Variants in NEK10 observed in about 807,000 individuals in gnomAD.
The protein encoded by NEK10 is serine/threonine-protein kinase Nek10.
Under a neutral mutation model 159.8 loss-of-function variants are expected in NEK10, and 122 were observed. The observed-to-expected ratio is 0.76, with a 90% CI of 0.66 to 0.89. NEK10 has a LOEUF of 0.89. Among genes scored for constraint, NEK10 ranks in the 40% least tolerant of loss-of-function variants. NEK10 has a pLI of 0.00. For missense variants in NEK10, 1,342 were observed against 1,323.1 expected (o/e 1.01, Z -0.22); for synonymous variants, 466 against 457.1 (o/e 1.02, Z -0.25).
intron 23 of NEK10, among the ~76,000 whole-genome samples, chr3:27,247,548 T>G (rs1462643676): frequency 6.6e-6 from 1 of 151,580 alleles, no homozygotes. Context: ...TTATTTTATT[T>G]TATTTTTTTG....
At chr3:27,229,644 T>C (rs2149201153) in intron 23 of NEK10, among the ~76,000 whole-genome samples, 1 of 152,002 alleles carries the variant, frequency 6.6e-6, no homozygotes, top group Middle Eastern at 3.4e-3. Context: ...GAATAAAAAA[T>C]TTTCCGGAGA....
chr3:27,293,709 T>C, intron 15 of NEK10, 57 bp from the exon 16 acceptor site: 1 of 952,776 alleles, frequency 1.0e-6, no homozygotes, highest in Non-Finnish European at 1.6e-6. Context: ...TTAAAACATT[T>C]TCAGGAAAGA....
intron 23 of NEK10, among the ~76,000 whole-genome samples, chr3:27,249,933 G>T (rs1265492937): frequency 6.6e-6 from 1 of 152,048 alleles, no homozygotes; most frequent in South Asian, 2.1e-4. Context: ...CAAATACTAT[G>T]TTGTAACCCA....
chr3:27,265,218 A>G (rs930849302), intron 22 of NEK10, among the ~76,000 whole-genome samples: 1 of 152,196 alleles, frequency 6.6e-6, no homozygotes, highest in Non-Finnish European at 1.5e-5. Flanking sequence ...TCAACATTCT[A>G]TTGAAGATTC....
intron 32 of NEK10, among the ~76,000 whole-genome samples, chr3:27,123,520 A>G (rs1052685682): frequency 6.6e-6 from 1 of 152,344 alleles, no homozygotes; most frequent in Non-Finnish European, 1.5e-5. Context: ...TCATTAATTT[A>G]GTATTTTTAA....
Position 27,174,850 on chromosome 3 carries a change from A to G in NEK10, c.2506-17T>C, listed in dbSNP as rs375414857. 52 of 1,550,676 alleles carry G rather than the reference A, an allele frequency of 3.4e-5. No individual in the cohort carries two copies. The African/African-American group carries it at 5.7e-4, about 17-fold the overall frequency. On this transcript the variant is annotated splice_polypyrimidine_tract_variant and intron_variant, in intron 26 of 35. Coordinates refer to ENST00000691995, the MANE Select transcript of NEK10 (RefSeq NM_001394966.1). ...AAAGGTCTCCTGGAAAGAGAAATTC[A>G]GTTTTTCATAGCCTCTTTCTCTATC...
chr3:27,312,805 AGGTACACCTCT>A (rs1474075330), intron 7 of NEK10, among the ~76,000 whole-genome samples: 1 of 152,196 alleles, frequency 6.6e-6, no homozygotes, highest in Non-Finnish European at 1.5e-5. Flanking sequence ...TTATTAAATG[AGGTACACCTCT>A]AGTCAATTTA....
intron 18 of NEK10, 149 bp downstream of exon 18, chr3:27,291,113 C>A (rs1014728595): frequency 1.2e-6 from 1 of 832,214 alleles, no homozygotes. Context: ...GTGTGGCTAT[C>A]TCTGTTGGAC....
At chr3:27,261,816 A>AG (rs2040435797) in intron 22 of NEK10, among the ~76,000 whole-genome samples, 1 of 152,158 alleles carries the variant, frequency 6.6e-6, no homozygotes, top group Non-Finnish European at 1.5e-5. Context: ...TAATGTTGAC[A>AG]GTGGGGTGTT....
intron 22 of NEK10, among the ~76,000 whole-genome samples, chr3:27,278,114 C>T (rs949060187): frequency 3.9e-5 from 6 of 152,206 alleles, no homozygotes; most frequent in Non-Finnish European, 7.3e-5. Flanking sequence ...CCAGTCTTAA[C>T]TCACAGGACA....
At chr3:27,206,211 T>C (rs1223403877) in intron 23 of NEK10, among the ~76,000 whole-genome samples, 1 of 152,130 alleles carries the variant, frequency 6.6e-6, no homozygotes, top group Non-Finnish European at 1.5e-5. Flanking sequence ...AACACTGCTA[T>C]GTTTTTCACT....
intron 1 of NEK10, among the ~76,000 whole-genome samples, chr3:27,357,280 G>A (rs2048383481): frequency 6.6e-6 from 1 of 152,110 alleles, no homozygotes; most frequent in South Asian, 2.1e-4. Flanking sequence ...TGAATGCAAT[G>A]CCTAATAAAT....
chr3:27,241,198 G>GA (rs527380749), intron 23 of NEK10, among the ~76,000 whole-genome samples: 228 of 152,184 alleles, frequency 1.5e-3, no homozygotes, highest in African/African-American at 5.3e-3. Flanking sequence ...AGCATGGGGG[G>GA]AAAAATAAGA....
intron 1 of NEK10, among the ~76,000 whole-genome samples, chr3:27,353,402 T>C (rs1396938227): frequency 2.0e-5 from 3 of 152,180 alleles, no homozygotes; most frequent in Non-Finnish European, 4.4e-5. Context: ...TATTGTCTTA[T>C]AATAGCATGC....
At chr3:27,333,294 C>T (rs2046556145) in intron 5 of NEK10, among the ~76,000 whole-genome samples, 1 of 152,026 alleles carries the variant, frequency 6.6e-6, no homozygotes, top group South Asian at 2.1e-4. Context: ...ACCTGTAATC[C>T]TAGCACTTTG....
chr3:27,271,853 G>GA (rs5847454), intron 22 of NEK10, among the ~76,000 whole-genome samples: 36,541 of 150,432 alleles, frequency 0.24, 4,810 homozygotes, highest in Middle Eastern at 0.39. Context: ...AGCACATTAT[G>GA]AAAAAAAAAT....
intron 30 of NEK10, among the ~76,000 whole-genome samples, chr3:27,141,918 G>C (rs540662163): frequency 7.9e-5 from 12 of 152,264 alleles, no homozygotes; most frequent in African/African-American, 2.6e-4. Context: ...CCAGGCTTCA[G>C]ACATGTATAG....
At chr3:27,261,943 C>T (rs1559382676) in intron 22 of NEK10, among the ~76,000 whole-genome samples, 1 of 152,136 alleles carries the variant, frequency 6.6e-6, no homozygotes, top group Non-Finnish European at 1.5e-5. Flanking sequence ...ATAGCTAGCT[C>T]TTCTTGTTGA....
At position 27,124,890 on chromosome 3, in the gene NEK10, T is replaced by C. The variant is rs146319743; in HGVS notation, c.3082-5022A>G. ...TAGATGAGGCCATGAGATGGTTCAG[T>C]AGTCCAATGCAAGTGCTGTGTGAAC... On this transcript the variant is annotated intron_variant, in intron 32 of 35. Transcript: ENST00000691995. Among the ~76,000 whole-genome samples, 643 of 152,280 alleles carry C rather than the reference T, an allele frequency of 4.2e-3. 4 individuals are homozygous for C. The highest frequency in any genetic ancestry group is 0.015 in the African/African-American group (612 of 41,568).
Sources: gnomAD v4.1 joint callset for allele counts (sites outside exome capture counted in the v4.1 genomes callset) on GRCh38, gnomAD v4.1.1 for gene constraint, MANE v1.5 for transcripts, NCBI Gene and HGNC (gene_info 2026-07-23, HGNC 2026-07-21) for gene names.